Variants in SON observed in about 807,000 individuals in gnomAD.
The protein encoded by SON is SON DNA and RNA binding protein, also known as protein SON.
In SON, 4 loss-of-function variants were observed where a neutral mutation model predicts 173.3. That is an observed-to-expected ratio of 0.02 (90% CI 0.01 to 0.05). The LOEUF is 0.05. Among genes scored for constraint, SON ranks in the 10% least tolerant of loss-of-function variants. The pLI, the probability that SON is intolerant of heterozygous loss-of-function variation, is 1.00. For missense variants in SON, 2,626 were observed against 3,055.3 expected (o/e 0.86, Z 3.31); for synonymous variants, 1,190 against 1,105.9 (o/e 1.08, Z -1.51).
At chr21:33,548,217 A>C (rs1415262514) in intron 2 of SON, among the ~76,000 whole-genome samples, 1 of 151,782 alleles carries the variant, frequency 6.6e-6, no homozygotes, top group East Asian at 1.9e-4. Context: ...TTCCTCTCTA[A>C]AATCAGTATT....
rs747818812 is a variant in SON at position 33,549,789 on chromosome 21, G to T, written c.558G>T (p.Val186=). The change falls in exon 3 of 12, where the codon GTG becomes GTT. Residue 186 remains valine (V), a synonymous_variant. Coordinates refer to ENST00000356577, the MANE Select transcript of SON (RefSeq NM_138927.4). ...AGACCAATGAATCCCCTGCAGTTGT[G>T]CTAGAACCTCCTGTAGTATCAATGG... ...PSETNESPAV[V]LEPPVVSMEV... 1 of 1,614,066 alleles carries T rather than the reference G, an allele frequency of 6.2e-7. No homozygotes were observed. Among genetic ancestry groups the T allele is most frequent in the Non-Finnish European group, 8.5e-7 (1 of 1,180,036 alleles).
chr21:33,547,604 A>G (rs2085649679), intron 2 of SON, among the ~76,000 whole-genome samples: 1 of 150,630 alleles, frequency 6.6e-6, no homozygotes. Context: ...TCATTGAAGT[A>G]TGACTTATCT....
At chr21:33,568,267 C>T (rs1291983286) in intron 7 of SON, among the ~76,000 whole-genome samples, 1 of 152,104 alleles carries the variant, frequency 6.6e-6, no homozygotes, top group Non-Finnish European at 1.5e-5. Flanking sequence ...CCGAGGCGGG[C>T]GGATCAGTTG....
At chr21:33,546,132 T>G in intron 1 of SON, 81 bp from the exon 2 acceptor site, 2 of 1,203,492 alleles carry the variant, frequency 1.7e-6, no homozygotes. Context: ...CAGTACAACA[T>G]ATGATTATTG....
In SON at chr21:33,552,222, T is replaced by G. The variant is rs1183223845; in HGVS notation, c.2991T>G (p.Arg997=). The G allele has an allele frequency of 6.2e-7, 1 of 1,614,114 alleles. No individual in the cohort carries two copies. The highest frequency in any genetic ancestry group is 1.6e-4 in the Middle Eastern group (1 of 6,062). ...GACCCCTGATGTTAGCATCTAGACG[T>G]TCTATGATGATGTCCTATGCTGCAG... The part of the protein sequence containing the change: ...APRPLMLASR[R]SMMMSYAAER... The change falls in exon 3 of 12, where the codon CGT becomes CGG. Residue 997 remains arginine, a synonymous_variant. Coordinates refer to ENST00000356577, the MANE Select transcript of SON (RefSeq NM_138927.4). This position sits in a 1 kb window ranked among gnomAD's most constrained non-coding sequence, Gnocchi z 5.6.
intron 2 of SON, among the ~76,000 whole-genome samples, chr21:33,549,209 G>A (rs555100903): frequency 1.3e-5 from 2 of 151,686 alleles, no homozygotes; most frequent in African/African-American, 4.8e-5. Flanking sequence ...CAAATAGCTG[G>A]GACTACAGGT....
Position 33,554,017 on chromosome 21 carries a change from A to G in SON, c.4786A>G (p.Thr1596Ala), listed in dbSNP as rs112659554. Residue 1596 changes from threonine to alanine, a missense_variant, in exon 3 of 12, where the codon ACT (threonine) becomes GCT (alanine). By Grantham distance (58) the Thr-to-Ala change is moderately conservative. Around this residue, in one of 13 missense-constraint regions of SON, gnomAD observed 1,006 missense variants for 895.6 expected, o/e 1.12. Coordinates refer to ENST00000356577, the MANE Select transcript of SON (RefSeq NM_138927.4). ...EADAGETLSS[T>A]GPFALEPDAT... ...TGATGCAGGAGAAACTCTATCTTCT[A>G]CTGGTCCTTTTGCTCTGGAACCTGA... 3.7e-6 allele frequency: 6 copies of G among 1,613,976 alleles called. No homozygotes were observed. The Admixed American group carries it at 8.3e-5, about 22-fold the overall frequency.
Position 33,552,103 on chromosome 21 carries a change from C to G in SON, c.2872C>G (p.Leu958Val). The change falls in exon 3 of 12, where the codon CTA (leucine) becomes GTA (valine). Residue 958 changes from leucine (L) to valine (V), a missense_variant. Physicochemically the swap from Leu to Val is conservative, Grantham distance 32. Coordinates refer to ENST00000356577, the MANE Select transcript of SON (RefSeq NM_138927.4). The surrounding 1 kb of genome is among the most constrained non-coding windows in gnomAD (Gnocchi z 5.6). ...PYRLGHDPYR[L>V]TPDPYRMSPR... ...TAGATTAGGCCATGATCCCTACAGA[C>G]TAACTCCTGATCCCTATAGGATGTC... 1.2e-6 allele frequency: 2 copies of G among 1,614,040 alleles called. No individual in the cohort carries two copies. Among genetic ancestry groups the G allele is most frequent in the Middle Eastern group, 1.6e-4 (1 of 6,062 alleles).
chr21:33,563,802 T>C (rs1012874910), intron 6 of SON, among the ~76,000 whole-genome samples: 7 of 152,232 alleles, frequency 4.6e-5, no homozygotes, highest in Non-Finnish European at 8.8e-5. Flanking sequence ...AGTTGCATTA[T>C]GGTAATTTCA....
In SON at chr21:33,549,867, A is replaced by G. The variant is rs79746820; in HGVS notation, c.636A>G (p.Ala212=). The G allele has an allele frequency of 0.025, 40,670 of 1,614,246 alleles. 594 individuals are homozygous for G. The highest frequency in any genetic ancestry group is 0.029 in the Non-Finnish European group (34,541 of 1,180,032). Residue 212 remains alanine, a synonymous_variant, in exon 3 of 12, where the codon GCA becomes GCG. Coordinates refer to ENST00000356577, the MANE Select transcript of SON (RefSeq NM_138927.4). ...CTCTGAAGCCAGCTACAAAAACTGC[A>G]GAACTGTCAGTTGTATCTACATCAG... The part of the protein sequence containing the change: ...LETLKPATKT[A]ELSVVSTSVI...
intron 6 of SON, among the ~76,000 whole-genome samples, chr21:33,566,925 C>T (rs1291578002): frequency 6.6e-6 from 1 of 152,044 alleles, no homozygotes; most frequent in African/African-American, 2.4e-5. Flanking sequence ...TAAATTCAGT[C>T]AGATTTTGGG....
chr21:33,573,000 A>G (rs1032516397), intron 8 of SON: 1 of 247,576 alleles, frequency 4.0e-6, no homozygotes, highest in Non-Finnish European at 7.8e-6. Flanking sequence ...AAGAGATACC[A>G]GTGAACCTAA....
At chr21:33,549,433 A>T (rs767087259) in intron 2 of SON, 43 bp from the exon 3 acceptor site, 1 of 1,468,340 alleles carries the variant, frequency 6.8e-7, no homozygotes, top group Non-Finnish European at 9.1e-7. Context: ...ATCTAACTCT[A>T]CTTTGGGGAA....
In SON at chr21:33,554,666, G is replaced by A. The variant is rs1222482220; in HGVS notation, c.5435G>A (p.Gly1812Glu). The A allele has an allele frequency of 1.9e-6, 3 of 1,613,864 alleles. No homozygotes were observed. The highest frequency in any genetic ancestry group is 1.7e-5 in the Admixed American group (1 of 59,996). Reference protein sequence around the residue: ...KSKKNKNRDKGEKEKKRDSSL... With the variant: ...KSKKNKNRDKEEKEKKRDSSL... ...AAGAAAAATAAGAACCGTGATAAGG[G>A]GGAGAAAGAGAAGAAAAGAGACTCT... The change falls in exon 3 of 12, where the codon GGG (glycine) becomes GAG (glutamate). Residue 1812 changes from glycine (G) to glutamate (E), a missense_variant. Physicochemically the swap from Gly to Glu is moderately conservative, Grantham distance 98 (BLOSUM62 -2). Coordinates refer to ENST00000356577, the MANE Select transcript of SON (RefSeq NM_138927.4).
At chr21:33,562,640 GCATCGTCTT>G (rs1416961290) in intron 6 of SON, among the ~76,000 whole-genome samples, 2 of 152,196 alleles carry the variant, frequency 1.3e-5, no homozygotes, top group African/African-American at 4.8e-5. Context: ...TACTGCCATA[GCATCGTCTT>G]CATACTCAGA....
intron 3 of SON, among the ~76,000 whole-genome samples, chr21:33,556,336 G>A (rs891306370): frequency 6.6e-6 from 1 of 152,172 alleles, no homozygotes; most frequent in Non-Finnish European, 1.5e-5. Context: ...CTATAATACT[G>A]ATAGAGGTGA....
intron 8 of SON, chr21:33,570,275 A>G (rs566264050): frequency 6.6e-6 from 1 of 152,292 alleles, no homozygotes; most frequent in South Asian, 2.1e-4. Context: ...ACCTATAGAG[A>G]GTTGCTATGA....
Position 33,554,779 on chromosome 21 carries a change from A to G in SON, c.5548A>G (p.Arg1850Gly), listed in dbSNP as rs2085921861. Residue 1850 changes from arginine to glycine, a missense_variant, in exon 3 of 12, where the codon AGA becomes GGA. By Grantham distance (125) the Arg-to-Gly change is moderately radical (BLOSUM62 -2). This residue lies in a region of SON where 1,006 missense variants were observed against 895.6 expected (regional missense o/e 1.12). Coordinates refer to ENST00000356577, the MANE Select transcript of SON (RefSeq NM_138927.4). ...TGAATCTCGTTCTAGGGCAAGAAAG[A>G]GATCATCTAAGTCCAAGTCTCATCG... ...TSESRSRARK[R>G]SSKSKSHRSQ... is the part of the protein sequence containing the mutation. The G allele has an allele frequency of 6.2e-7, 1 of 1,613,814 alleles. No individual in the cohort carries two copies. The highest frequency in any genetic ancestry group is 1.1e-5 in the South Asian group (1 of 91,088).
rs759460939 is a variant in SON at position 33,552,630 on chromosome 21, CGATTCTTACACT to C, written c.3402_3413del (p.Ser1135_Asp1138del). ...TGTCTATGGCTGCTGATTCTTACAC[CGATTCTTACACT>C]GACACATATACAGAGGCATATATGG... is the stretch of plus-strand genomic sequence containing the variant. On this transcript the variant is annotated inframe_deletion, in exon 3 of 12. Transcript: ENST00000356577. This position sits in a 1 kb window ranked among gnomAD's most constrained non-coding sequence, Gnocchi z 5.6. The C allele has an allele frequency of 1.9e-6, 3 of 1,613,944 alleles. No individual in the cohort carries two copies. The highest frequency in any genetic ancestry group is 2.5e-6 in the Non-Finnish European group (3 of 1,179,944).
Sources: allele counts gnomAD v4.1 joint callset (sites outside exome capture counted in the v4.1 genomes callset), GRCh38; gene constraint gnomAD v4.1.1; regional missense constraint gnomAD v4.1.1; non-coding constraint Gnocchi (gnomAD v3.1); transcripts MANE v1.5; gene names NCBI Gene and HGNC (gene_info 2026-07-23, HGNC 2026-07-21).